The following DMD variants were observed in gnomAD, a reference collection of about 807,000 sequenced individuals.
DMD encodes mutant dystrophin.
Under a neutral mutation model 330.1 loss-of-function variants are expected in DMD, and 63 were observed. The ratio of observed to expected loss-of-function variants is 0.19; its 90% CI spans 0.16 to 0.24. The LOEUF (loss-of-function observed/expected upper bound fraction) is 0.24. Ranked by LOEUF, DMD falls within the 10% of genes least tolerant of loss-of-function variation. DMD has a pLI of 1.00. For synonymous variants in DMD, 1,223 were observed against 959.8 expected, an observed-to-expected ratio of 1.27 and a Z score of -5.07; for missense variants, 3,344 against 2,684.1, an observed-to-expected ratio of 1.25 and a Z score of -5.43.
chrX:31,897,774 GTTTTTT>G (rs2094364156), intron 47 of DMD, among the ~76,000 whole-genome samples: 1 of 105,291 alleles, frequency 9.5e-6, no homozygotes, highest in Non-Finnish European at 1.9e-5. Context: ...GGGGTTGTTT[GTTTTTT>G]TCTTGTAAAT....
At chrX:32,151,433 G>A (rs755540674) in intron 44 of DMD, 1 of 111,634 alleles carries the variant, frequency 9.0e-6, no homozygotes, top group South Asian at 3.8e-4. Flanking sequence ...TATGGTCAGA[G>A]TTCAGTGACA....
intron 2 of DMD, among the ~76,000 whole-genome samples, chrX:32,937,131 G>T (rs887308362): frequency 4.5e-5 from 5 of 110,489 alleles, no homozygotes; most frequent in African/African-American, 1.6e-4. Context: ...TTCAAGAAGG[G>T]ATGACGGAGA....
At chrX:32,318,751 A>G (rs1347008325) in intron 41 of DMD, among the ~76,000 whole-genome samples, 2 of 112,134 alleles carry the variant, frequency 1.8e-5, no homozygotes, top group Non-Finnish European at 3.8e-5. Flanking sequence ...AAGGTAAAAT[A>G]TGAAAGAAAA....
chrX:32,676,230 A>G, intron 9 of DMD, among the ~76,000 whole-genome samples: 1 of 111,432 alleles, frequency 9.0e-6, no homozygotes, highest in Non-Finnish European at 1.9e-5. Context: ...CACATTCTTC[A>G]GTTGAAGCAA....
intron 7 of DMD, among the ~76,000 whole-genome samples, chrX:32,719,490 T>G (rs2066048383): frequency 8.9e-6 from 1 of 111,842 alleles, no homozygotes; most frequent in Admixed American, 9.5e-5. Flanking sequence ...ATTCTATAAC[T>G]TTGGGTCATT....
chrX:33,008,564 G>A (rs2093443472), intron 2 of DMD, among the ~76,000 whole-genome samples: 1 of 109,761 alleles, frequency 9.1e-6, no homozygotes, highest in South Asian at 3.8e-4. Context: ...TTATTCTTAA[G>A]AAAAATATAT....
chrX:32,863,106 G>A (rs2082194828), intron 2 of DMD, among the ~76,000 whole-genome samples: 1 of 111,336 alleles, frequency 9.0e-6, no homozygotes, highest in African/African-American at 3.3e-5. Context: ...TGATGGAAAT[G>A]AAGGCTAATT....
chrX:33,252,916 G>A (rs1442877837), intron 1 of DMD, among the ~76,000 whole-genome samples: 2 of 111,598 alleles, frequency 1.8e-5, no homozygotes, highest in Non-Finnish European at 3.8e-5. Flanking sequence ...GTATATGACA[G>A]CAACAATGCT....
chrX:32,818,390 T>A lies in DMD; in HGVS notation c.358-1750A>T, dbSNP rs915207560. On this transcript the variant is annotated intron_variant, in intron 5 of 78. Coordinates refer to ENST00000357033, the MANE Select transcript of DMD (RefSeq NM_004006.3). ...CAAATGTTGCTCAGACAAAAAAAAA[T>A]AATAAAGGGCAATGTATGATAATCA... Among the ~76,000 whole-genome samples, 19 of 110,735 alleles carry A rather than the reference T, an allele frequency of 1.7e-4. No individual in the cohort carries two copies. The Admixed American group carries it at 1.7e-3, about 10-fold the overall frequency.
chrX:32,480,492 C>G (rs1281774043), intron 21 of DMD, among the ~76,000 whole-genome samples: 1 of 109,179 alleles, frequency 9.2e-6, no homozygotes, highest in Non-Finnish European at 1.9e-5. Flanking sequence ...TATGTGTCTA[C>G]GTGTTTATAT....
At chrX:31,607,626 T>C (rs1429581360) in intron 55 of DMD, among the ~76,000 whole-genome samples, 1 of 112,364 alleles carries the variant, frequency 8.9e-6, no homozygotes, top group Non-Finnish European at 1.9e-5. Context: ...CAAATTTGAT[T>C]AGGCCAAAAT....
At chrX:31,559,653 A>AAAAAAAAAAAAAAAAAAAAAAAAC (rs1250969972) in intron 55 of DMD, among the ~76,000 whole-genome samples, 1 of 71,608 alleles carries the variant, frequency 1.4e-5, no homozygotes, top group Non-Finnish European at 2.5e-5. Flanking sequence ...AAAAAAAAAA[A>AAAAAAAAAAAAAAAAAAAAAAAAC]AAAAAAAAAA....
At chrX:32,609,236 G>A (rs1349124815) in intron 12 of DMD, among the ~76,000 whole-genome samples, 1 of 110,398 alleles carries the variant, frequency 9.1e-6, no homozygotes, top group African/African-American at 3.3e-5. Flanking sequence ...CTCTTAACAT[G>A]TTTTCCGGCC....
intron 2 of DMD, among the ~76,000 whole-genome samples, chrX:33,004,138 A>G (rs1203276551): frequency 9.5e-6 from 1 of 105,539 alleles, no homozygotes; most frequent in African/African-American, 3.4e-5. Flanking sequence ...ATGAACATCT[A>G]TAAATATGTT....
intron 30 of DMD, among the ~76,000 whole-genome samples, chrX:32,396,437 T>TA (rs933932983): frequency 9.0e-5 from 10 of 111,433 alleles, no homozygotes. Flanking sequence ...TGATTAGAGA[T>TA]AAAATTTTCT....
At chrX:32,506,278 C>A (rs966614794) in intron 18 of DMD, among the ~76,000 whole-genome samples, 1 of 109,135 alleles carries the variant, frequency 9.2e-6, no homozygotes, top group Non-Finnish European at 1.9e-5. Flanking sequence ...CTGTGGGAGC[C>A]GGGTTATATG....
chrX:33,195,011 T>C (rs2050847849), intron 1 of DMD, among the ~76,000 whole-genome samples: 1 of 111,581 alleles, frequency 9.0e-6, no homozygotes, highest in South Asian at 3.7e-4. Context: ...ATTTGAGTCA[T>C]GCAATAAACA....
At chrX:32,528,002 G>T (rs2047078537) in intron 17 of DMD, among the ~76,000 whole-genome samples, 1 of 112,174 alleles carries the variant, frequency 8.9e-6, no homozygotes, top group Non-Finnish European at 1.9e-5. Flanking sequence ...AAGTAAATGT[G>T]CATTTAAAAA....
At chrX:32,432,073 T>C (rs958374517) in intron 29 of DMD, among the ~76,000 whole-genome samples, 5 of 112,150 alleles carry the variant, frequency 4.5e-5, no homozygotes, top group African/African-American at 1.6e-4. Context: ...ACTCAAGAGT[T>C]CCTCACCTTA....
Sources: gnomAD v4.1 joint callset for allele counts (sites outside exome capture counted in the v4.1 genomes callset) on GRCh38, gnomAD v4.1.1 for gene constraint, MANE v1.5 for transcripts, NCBI Gene and HGNC (gene_info 2026-07-23, HGNC 2026-07-21) for gene names.